The following SUMF1 variants were observed in gnomAD, a reference collection of about 807,000 sequenced individuals.
SUMF1 encodes the protein sulfatase modifying factor 1.
A neutral mutation model predicts 47.6 loss-of-function variants in SUMF1; 48 were observed. That is an observed-to-expected ratio of 1.01 (90% CI 0.80 to 1.28). The LOEUF is 1.28. Ranked by LOEUF, SUMF1 falls within the 50% of genes most tolerant of loss-of-function variation. The pLI is 0.00. For missense variants in SUMF1, 571 were observed against 485.4 expected (o/e 1.18, Z -1.66); for synonymous variants, 230 against 192.1 (o/e 1.20, Z -1.63).
intron 8 of SUMF1, among the ~76,000 whole-genome samples, chr3:4,170,273 A>G (rs948783979): frequency 6.6e-6 from 1 of 152,206 alleles, no homozygotes; most frequent in African/African-American, 2.4e-5. Context: ...AAAATGATCT[A>G]TATCAATGGT....
chr3:4,055,223 A>C (rs1695170611), intron 9 of SUMF1, among the ~76,000 whole-genome samples: 1 of 152,168 alleles, frequency 6.6e-6, no homozygotes, highest in Non-Finnish European at 1.5e-5. Flanking sequence ...TGAAACGGAA[A>C]AATGTGAAAA....
intron 8 of SUMF1, among the ~76,000 whole-genome samples, chr3:4,161,278 C>T (rs1442685198): frequency 1.3e-5 from 2 of 152,162 alleles, no homozygotes; most frequent in African/African-American, 4.8e-5. Context: ...TCAGACACAG[C>T]ACTGGATCTT....
chr3:4,205,179 C>T (rs1695624430), intron 8 of SUMF1, among the ~76,000 whole-genome samples: 1 of 152,144 alleles, frequency 6.6e-6, no homozygotes, highest in Non-Finnish European at 1.5e-5. Context: ...GATCAATGTA[C>T]TTTGCAATCT....
intron 8 of SUMF1, among the ~76,000 whole-genome samples, chr3:4,094,860 G>C (rs17039866): frequency 0.11 from 16,440 of 152,042 alleles, 1,732 homozygotes; most frequent in African/African-American, 0.25. Flanking sequence ...TCAAAGGAGA[G>C]GGATCGTGAT....
chr3:4,363,842 G>A (rs1383139829), intron 8 of SUMF1, among the ~76,000 whole-genome samples: 3 of 135,854 alleles, frequency 2.2e-5, no homozygotes, highest in Admixed American at 7.8e-5. Context: ...CCCATTCAGT[G>A]TGATATTGGC....
At chr3:4,364,114 G>T (rs1231127398) in intron 8 of SUMF1, among the ~76,000 whole-genome samples, 2 of 138,460 alleles carry the variant, frequency 1.4e-5, no homozygotes, top group Non-Finnish European at 3.1e-5. Flanking sequence ...TGTGCTGCTG[G>T]ATTCGGTTTG....
At chr3:4,328,818 A>T (rs1318367758) in intron 8 of SUMF1, among the ~76,000 whole-genome samples, 1 of 152,180 alleles carries the variant, frequency 6.6e-6, no homozygotes. Flanking sequence ...CTCATCTGAG[A>T]CAAGGCAAGT....
At chr3:4,291,377 C>T (rs1275958714) in intron 8 of SUMF1, among the ~76,000 whole-genome samples, 1 of 152,116 alleles carries the variant, frequency 6.6e-6, no homozygotes, top group Non-Finnish European at 1.5e-5. Flanking sequence ...CTCTCCCCCT[C>T]ATCTCTGCTC....
chr3:4,441,257 G>A (rs1447402544), intron 3 of SUMF1, among the ~76,000 whole-genome samples: 1 of 152,118 alleles, frequency 6.6e-6, no homozygotes, highest in African/African-American at 2.4e-5. Flanking sequence ...TGGGTTGCTG[G>A]CTCCTTGTAA....
intron 8 of SUMF1, among the ~76,000 whole-genome samples, chr3:4,348,346 C>A (rs556570770): frequency 3.3e-5 from 5 of 152,246 alleles, no homozygotes; most frequent in African/African-American, 1.2e-4. Flanking sequence ...ACCAATGGAG[C>A]AGAACAGAGA....
chr3:4,414,053 C>T (rs192810018), intron 6 of SUMF1, among the ~76,000 whole-genome samples: 14 of 151,936 alleles, frequency 9.2e-5, no homozygotes, highest in East Asian at 3.9e-4. Flanking sequence ...TTAGTAGAGA[C>T]GGGGTTTCAC....
chr3:4,464,385 G>T (rs1381708443), intron 1 of SUMF1, among the ~76,000 whole-genome samples: 1 of 151,336 alleles, frequency 6.6e-6, no homozygotes, highest in African/African-American at 2.4e-5. Context: ...ATAGAAAAAT[G>T]ATACTTATGT....
intron 3 of SUMF1, among the ~76,000 whole-genome samples, chr3:4,446,034 A>G (rs1175813158): frequency 1.3e-5 from 2 of 152,270 alleles, no homozygotes; most frequent in Non-Finnish European, 2.9e-5. Context: ...TAAAGAATCA[A>G]GCATTTATCC....
chr3:4,442,022 T>C (rs183847027), intron 3 of SUMF1, among the ~76,000 whole-genome samples: 176 of 152,246 alleles, frequency 1.2e-3, no homozygotes, highest in African/African-American at 4.1e-3. Flanking sequence ...ACCTGCATGG[T>C]GTCTGTGGCT....
chr3:4,139,319 T>C (rs1004303258), intron 8 of SUMF1, among the ~76,000 whole-genome samples: 3 of 152,012 alleles, frequency 2.0e-5, no homozygotes, highest in Admixed American at 6.6e-5. Context: ...CCAACACTCA[T>C]GTTAGAGCTA....
chr3:4,140,323 G>T (rs1694043151), intron 8 of SUMF1, among the ~76,000 whole-genome samples: 1 of 151,900 alleles, frequency 6.6e-6, no homozygotes, highest in African/African-American at 2.4e-5. Flanking sequence ...AAGGACTAGG[G>T]TTCCTCTTTC....
intron 8 of SUMF1, among the ~76,000 whole-genome samples, chr3:4,232,087 T>C (rs1020239187): frequency 6.6e-6 from 1 of 152,086 alleles, no homozygotes; most frequent in Admixed American, 6.6e-5. Context: ...ATGGAGTCCA[T>C]CTTAGGTAAC....
intron 8 of SUMF1, among the ~76,000 whole-genome samples, chr3:4,137,611 T>TAA (rs1177371930): frequency 6.6e-6 from 1 of 152,088 alleles, no homozygotes; most frequent in African/African-American, 2.4e-5. Context: ...CCCTAGAACT[T>TAA]AAAGTATAAT....
chr3:4,172,886 T>C (rs1694865691), intron 8 of SUMF1, among the ~76,000 whole-genome samples: 1 of 152,252 alleles, frequency 6.6e-6, no homozygotes, highest in South Asian at 2.1e-4. Flanking sequence ...TTTTGGCTTC[T>C]GTTGCCATTG....
Sources: gnomAD v4.1 joint callset for allele counts (sites outside exome capture counted in the v4.1 genomes callset) on GRCh38, gnomAD v4.1.1 for gene constraint, MANE v1.5 for transcripts, NCBI Gene and HGNC (gene_info 2026-07-23, HGNC 2026-07-21) for gene names.